The following SERPINF2 variants were observed in gnomAD, a reference collection of about 807,000 sequenced individuals.
SERPINF2 encodes serpin family F member 2.
A neutral mutation model predicts 45.0 loss-of-function variants in SERPINF2; 15 were observed. The observed-to-expected ratio is 0.33, with a 90% CI of 0.22 to 0.51. The LOEUF (loss-of-function observed/expected upper bound fraction) is 0.51. Ranked by LOEUF, SERPINF2 falls within the 20% of genes least tolerant of loss-of-function variation. SERPINF2 has a pLI of 0.97. For missense variants in SERPINF2, 518 were observed against 637.4 expected (o/e 0.81, Z 2.02); for synonymous variants, 283 against 277.9 (o/e 1.02, Z -0.18).
chr17:1,747,192 G>A, intron 6 of SERPINF2, 30 bp downstream of exon 6: 1 of 1,611,654 alleles, frequency 6.2e-7, no homozygotes, highest in Non-Finnish European at 8.5e-7. Context: ...AGCTCCCTCA[G>A]TCCTGCCCTG....
At chr17:1,752,942 C>A in intron 9 of SERPINF2, 152 bp downstream of exon 9, 1 of 697,518 alleles carries the variant, frequency 1.4e-6, no homozygotes. Context: ...TGAATATGAG[C>A]CCCCAGACCC....
At position 1,754,824 on chromosome 17, in the gene SERPINF2, A is replaced by G; in HGVS notation, c.*290A>G. On this transcript the variant is annotated 3_prime_UTR_variant, in exon 10 of 10. Transcript: ENST00000453066. ...GAGGTGCTTCTAGTTCTGCCAGGAG[A>G]CAGGTTAGCTGCTCCCCACGTCAGC... The G allele has an allele frequency of 2.0e-6, 1 of 495,096 alleles. No individual in the cohort carries two copies. Among genetic ancestry groups the G allele is most frequent in the South Asian group, 3.7e-5 (1 of 27,282 alleles). 30.7% of individuals were successfully genotyped at this position (495,096 alleles called of 1,614,324 possible). A position where few individuals can be genotyped will look rare whatever the true frequency, so the allele number is the denominator to read the frequency against.
chr17:1,750,408 A>G (rs950467446), intron 8 of SERPINF2, among the ~76,000 whole-genome samples: 6 of 151,602 alleles, frequency 4.0e-5, no homozygotes, highest in Admixed American at 6.6e-5. Context: ...CAGCCTCCCA[A>G]CGTGCTGGGA....
intron 1 of SERPINF2, among the ~76,000 whole-genome samples, chr17:1,744,283 G>A (rs1463296160): frequency 1.3e-5 from 2 of 151,698 alleles, no homozygotes; most frequent in African/African-American, 4.8e-5. Flanking sequence ...ACCTGAGGTC[G>A]GGAGTTTAAG....
At position 1,754,404 on chromosome 17, in the gene SERPINF2, A is replaced by T. The variant is rs1363805426; in HGVS notation, c.1346A>T (p.Asp449Val). Reference sequence around the variant, plus strand: ...CCGCGGGAGCTCAAGGAACAGCAGGATTCCCCGGGCAACAAGGACTTCCTC... The same window carrying T: ...CCGCGGGAGCTCAAGGAACAGCAGGTTTCCCCGGGCAACAAGGACTTCCTC... The part of the protein sequence containing the change: ...SAPRELKEQQ[D>V]SPGNKDFLQS... The change falls in exon 10 of 10, where the codon GAT (aspartate) becomes GTT (valine). Residue 449 changes from aspartate (D) to valine (V), a missense_variant. Coordinates refer to ENST00000453066, the MANE Select transcript of SERPINF2 (RefSeq NM_000934.4). The T allele has an allele frequency of 1.9e-6, 3 of 1,613,562 alleles. No individual in the cohort carries two copies. Among genetic ancestry groups the T allele is most frequent in the Non-Finnish European group, 2.5e-6 (3 of 1,179,574 alleles).
Position 1,744,585 on chromosome 17 carries a change from T to G in SERPINF2, c.-4-407T>G, listed in dbSNP as rs187532679. 1,001 of 985,426 alleles carry G rather than the reference T, an allele frequency of 1.0e-3. 44 individuals carry two copies. In the Admixed American group the frequency reaches 0.056, roughly 55 times the overall value. The allele number at this position is 985,426 out of a possible 1,614,324, so 61.0% of individuals were successfully genotyped here. A position where few individuals can be genotyped will look rare whatever the true frequency, so the allele number is the denominator to read the frequency against. On this transcript the variant is annotated intron_variant, in intron 1 of 9. Transcript: ENST00000453066. ...GAGTGAGGGACTTGTGCCACCGTTT[T>G]ACAAGGTAAGGCCAAGCCTGGTGGA...
Position 1,745,650 on chromosome 17 carries a change from C to T in SERPINF2, c.166-58C>T. 2 of 1,550,676 alleles carry T rather than the reference C, an allele frequency of 1.3e-6. No individual in the cohort carries two copies. The highest frequency in any genetic ancestry group is 1.8e-6 in the Non-Finnish European group (2 of 1,128,998). On this transcript the variant is annotated intron_variant, in intron 4 of 9. Coordinates refer to ENST00000453066, the MANE Select transcript of SERPINF2 (RefSeq NM_000934.4). The surrounding 1 kb of genome is among the most constrained non-coding windows in gnomAD (Gnocchi z 6.2). ...GGCACAGGGGCTGTGACAAGGCCTTCAACACAGAACCTGGAGCTGACCCCT... is the reference window on the plus strand; with the variant it reads ...GGCACAGGGGCTGTGACAAGGCCTTTAACACAGAACCTGGAGCTGACCCCT...
At position 1,745,303 on chromosome 17, in the gene SERPINF2, C is replaced by G. The variant is rs755522783; in HGVS notation, c.103-30C>G. 2.5e-6 allele frequency: 4 copies of G among 1,612,382 alleles called. No individual in the cohort carries two copies. Among genetic ancestry groups the G allele is most frequent in the African/African-American group, 2.7e-5 (2 of 74,800 alleles). On this transcript the variant is annotated intron_variant, in intron 3 of 9. Coordinates refer to ENST00000453066, the MANE Select transcript of SERPINF2 (RefSeq NM_000934.4). The surrounding 1 kb of genome is among the most constrained non-coding windows in gnomAD (Gnocchi z 6.2). Reference sequence around the variant, plus strand: ...AGGGTGGGGGGCCTGTGGGAAGGGTCGGTCTCCATCTGCTTGCTCCTTTCC... The same window carrying G: ...AGGGTGGGGGGCCTGTGGGAAGGGTGGGTCTCCATCTGCTTGCTCCTTTCC...
chr17:1,745,722 G>T lies in SERPINF2; in HGVS notation c.180G>T (p.Gln60His), dbSNP rs780687347. The change falls in exon 5 of 10, where the codon CAG becomes CAT. Residue 60 changes from glutamine to histidine, a missense_variant. Around this residue, in one of 2 missense-constraint regions of SERPINF2, gnomAD observed 435 missense variants for 577.3 expected, o/e 0.75. Coordinates refer to ENST00000453066, the MANE Select transcript of SERPINF2 (RefSeq NM_000934.4). This position sits in a 1 kb window ranked among gnomAD's most constrained non-coding sequence, Gnocchi z 6.2. ...LKLGNQEPGG[Q>H]TALKSPPGVC... ...TGTCCCTGCAGGAGCCTGGTGGCCA[G>T]ACTGCCCTGAAGAGTCCCCCAGGAG... 11 of 1,613,532 alleles carry T rather than the reference G, an allele frequency of 6.8e-6. No individual in the cohort carries two copies. The South Asian group carries it at 1.2e-4, about 18-fold the overall frequency.
chr17:1,755,024 T>G lies in SERPINF2; in HGVS notation c.*490T>G. The G allele has an allele frequency of 5.8e-6, 1 of 172,116 alleles. No individual in the cohort carries two copies. The highest frequency in any genetic ancestry group is 1.2e-5 in the Non-Finnish European group (1 of 80,834). 10.7% of individuals were successfully genotyped at this position (172,116 alleles called of 1,614,324 possible). On this transcript the variant is annotated 3_prime_UTR_variant, in exon 10 of 10. Coordinates refer to ENST00000453066, the MANE Select transcript of SERPINF2 (RefSeq NM_000934.4). The surrounding 1 kb of genome is among the most constrained non-coding windows in gnomAD (Gnocchi z 4.2). ...ACTCGTGTCTGGCACAGCCTGGCTGTGGCCTAACCTGCCGAGAGTCCATCA... is the reference window on the plus strand; with the variant it reads ...ACTCGTGTCTGGCACAGCCTGGCTGGGGCCTAACCTGCCGAGAGTCCATCA...
Position 1,748,607 on chromosome 17 carries a change from G to A in SERPINF2, c.725G>A (p.Arg242Lys), listed in dbSNP as rs201542762. The part of the protein sequence containing the change: ...LNAIHFQGFW[R>K]NKFDPSLTQR... ...CTCTGCTGGGTTTCAGGTTTCTGGA[G>A]GAACAAGTTTGACCCGAGCCTTACC... The change falls in exon 8 of 10, where the codon AGG becomes AAG. Residue 242 changes from arginine to lysine, a missense_variant. Around this residue, in one of 2 missense-constraint regions of SERPINF2, gnomAD observed 435 missense variants for 577.3 expected, o/e 0.75. Transcript: ENST00000453066. 347 of 1,613,816 alleles carry A rather than the reference G, an allele frequency of 2.2e-4. No individual in the cohort carries two copies. The highest frequency in any genetic ancestry group is 2.8e-4 in the Non-Finnish European group (325 of 1,180,038).
intron 9 of SERPINF2, among the ~76,000 whole-genome samples, chr17:1,753,910 TG>T (rs1321087712): frequency 3.3e-5 from 5 of 152,208 alleles, no homozygotes; most frequent in Non-Finnish European, 5.9e-5. Flanking sequence ...ACACTGAAAA[TG>T]TACCTTGGTT....
At position 1,744,540 on chromosome 17, in the gene SERPINF2, C is replaced by T. The variant is rs1002087596; in HGVS notation, c.-4-452C>T. On this transcript the variant is annotated intron_variant, in intron 1 of 9. Transcript: ENST00000453066. Reference sequence around the variant, plus strand: ...CCCAAAAAGACGGTCTTATTTTGGTCCTCACCATGCATGTGAGAAGAGTGA... The same window carrying T: ...CCCAAAAAGACGGTCTTATTTTGGTTCTCACCATGCATGTGAGAAGAGTGA... 9 of 984,980 alleles carry T rather than the reference C, an allele frequency of 9.1e-6. No homozygotes were observed. The South Asian group carries it at 3.3e-4, about 36-fold the overall frequency. 61.0% of individuals were successfully genotyped at this position (984,980 alleles called of 1,614,324 possible).
Position 1,745,055 on chromosome 17 carries a change from C to G in SERPINF2, c.60C>G (p.Ser20=), listed in dbSNP as rs370280422. Residue 20 remains serine, a synonymous_variant, in exon 2 of 10, where the codon TCC becomes TCG. Transcript: ENST00000453066. This position sits in a 1 kb window ranked among gnomAD's most constrained non-coding sequence, Gnocchi z 6.2. ...LSWSCLQGPC[S]VFSPVSAMEP... The stretch of plus-strand genomic sequence containing the variant: ...GGTCCTGCCTGCAAGGCCCCTGCTC[C>G]GTGGTGAGGCTGGGCTGAAGTCAAG... 1.2e-4 allele frequency: 199 copies of G among 1,603,178 alleles called. No homozygotes were observed. The highest frequency in any genetic ancestry group is 1.7e-4 in the Middle Eastern group (1 of 6,008).
At position 1,745,124 on chromosome 17, in the gene SERPINF2, G is replaced by A; in HGVS notation, c.64-51G>A. 2.5e-6 allele frequency: 4 copies of A among 1,600,772 alleles called. No homozygotes were observed. Among genetic ancestry groups the A allele is most frequent in the Non-Finnish European group, 3.4e-6 (4 of 1,174,432 alleles). ...GGAAGAAGAGGGGCGTTGGCATGGA[G>A]GGAGGGCTTGGCTCCGAGGGGACCT... On this transcript the variant is annotated intron_variant, in intron 2 of 9. Transcript: ENST00000453066. This position sits in a 1 kb window ranked among gnomAD's most constrained non-coding sequence, Gnocchi z 6.2.
At position 1,754,223 on chromosome 17, in the gene SERPINF2, G is replaced by T; in HGVS notation, c.1165G>T (p.Val389Phe). The T allele has an allele frequency of 6.2e-7, 1 of 1,613,952 alleles. No homozygotes were observed. Among genetic ancestry groups the T allele is most frequent in the South Asian group, 1.1e-5 (1 of 91,080 alleles). ...QHQSTLELSE[V>F]GVEAAAATSI... ...TCAGTCCACCCTGGAGCTCAGCGAG[G>T]TCGGCGTGGAGGCGGCGGCGGCCAC... The change falls in exon 10 of 10, where the codon GTC becomes TTC. Residue 389 changes from valine to phenylalanine, a missense_variant. By Grantham distance (50) the Val-to-Phe change is conservative. Around this residue, in one of 2 missense-constraint regions of SERPINF2, gnomAD observed 435 missense variants for 577.3 expected, o/e 0.75. Coordinates refer to ENST00000453066, the MANE Select transcript of SERPINF2 (RefSeq NM_000934.4).
Position 1,754,602 on chromosome 17 carries a change from A to C in SERPINF2, c.*68A>C. On this transcript the variant is annotated 3_prime_UTR_variant, in exon 10 of 10. Transcript: ENST00000453066. The stretch of plus-strand genomic sequence containing the variant: ...CTCTCCACTCATGTGACTCTTTCCA[A>C]CCGGCTTTGTGGCACTGGGGCAGGG... 6.6e-7 allele frequency: 1 copy of C among 1,522,258 alleles called. No homozygotes were observed. The highest frequency in any genetic ancestry group is 8.8e-7 in the Non-Finnish European group (1 of 1,137,970). 94.3% of individuals were successfully genotyped at this position (1,522,258 alleles called of 1,614,324 possible). A position where few individuals can be genotyped will look rare whatever the true frequency, so the allele number is the denominator to read the frequency against.
At chr17:1,747,942 A>T (rs1428524448) in intron 7 of SERPINF2, among the ~76,000 whole-genome samples, 1 of 149,640 alleles carries the variant, frequency 6.7e-6, no homozygotes, top group Non-Finnish European at 1.5e-5. Flanking sequence ...TGTGGTGGGG[A>T]TGGGTGCCCA....
At chr17:1,742,990 T>C (rs1905427901) in intron 1 of SERPINF2, 82 bp downstream of exon 1, 1 of 985,264 alleles carries the variant, frequency 1.0e-6, no homozygotes. Flanking sequence ...GGGTCTGGGA[T>C]TTATTCAGGA....
Sources: allele counts gnomAD v4.1 joint callset (sites outside exome capture counted in the v4.1 genomes callset), GRCh38; gene constraint gnomAD v4.1.1; regional missense constraint gnomAD v4.1.1; non-coding constraint Gnocchi (gnomAD v3.1); transcripts MANE v1.5; gene names NCBI Gene and HGNC (gene_info 2026-07-23, HGNC 2026-07-21).